EFNB2: variants seen among roughly 807,000 people sequenced by gnomAD.
EFNB2 encodes ephrin-B2.
A neutral mutation model predicts 32.1 loss-of-function variants in EFNB2; 5 were observed. The ratio of observed to expected loss-of-function variants is 0.16; its 90% CI spans 0.08 to 0.33. The LOEUF is 0.33. EFNB2 is among the 10% of genes least tolerant of loss of function. EFNB2 has a pLI of 1.00. For missense variants in EFNB2, 263 were observed against 422.6 expected, an observed-to-expected ratio of 0.62 and a Z score of 3.31; for synonymous variants, 168 against 166.5, an observed-to-expected ratio of 1.01 and a Z score of -0.07.
At chr13:106,508,713 A>G (rs78640505) in intron 2 of EFNB2, among the ~76,000 whole-genome samples, 3,199 of 152,318 alleles carry the variant, frequency 0.021, 114 homozygotes, top group African/African-American at 0.073. Flanking sequence ...AAGTTGAAAA[A>G]TTTAAGTGGA....
intron 1 of EFNB2, among the ~76,000 whole-genome samples, chr13:106,532,828 G>T (rs948474304): frequency 3.3e-5 from 5 of 151,542 alleles, no homozygotes; most frequent in African/African-American, 4.9e-5. Context: ...AGAATGGGGG[G>T]GGGGAGTGGT....
intron 2 of EFNB2, among the ~76,000 whole-genome samples, chr13:106,507,211 T>A (rs1417391390): frequency 6.6e-6 from 1 of 152,166 alleles, no homozygotes; most frequent in African/African-American, 2.4e-5. Flanking sequence ...ATGATGGAAA[T>A]GTGGCTTTTG....
intron 1 of EFNB2, among the ~76,000 whole-genome samples, chr13:106,523,665 C>T (rs996270055): frequency 2.0e-5 from 3 of 152,172 alleles, no homozygotes; most frequent in African/African-American, 2.4e-5. Context: ...CACCGCCTGG[C>T]TTCCTTCAAC....
At chr13:106,529,406 T>C (rs552575264) in intron 1 of EFNB2, among the ~76,000 whole-genome samples, 1 of 152,244 alleles carries the variant, frequency 6.6e-6, no homozygotes, top group Non-Finnish European at 1.5e-5. Context: ...TCTGAAGTTT[T>C]AATCAGCCCC....
intron 2 of EFNB2, among the ~76,000 whole-genome samples, chr13:106,504,440 G>A (rs759559742): frequency 6.6e-6 from 1 of 152,162 alleles, no homozygotes; most frequent in Non-Finnish European, 1.5e-5. Context: ...TCACAGCTTA[G>A]ATGGACATGT....
intron 2 of EFNB2, among the ~76,000 whole-genome samples, chr13:106,501,652 G>A (rs1878784331): frequency 6.6e-6 from 1 of 151,694 alleles, no homozygotes; most frequent in African/African-American, 2.4e-5. Flanking sequence ...GAGTGCAGTG[G>A]TGTGATCTTG....
Position 106,491,215 on chromosome 13 carries a change from T to C in EFNB2, c.*1825A>G, listed in dbSNP as rs1338272014. 2 of 152,590 alleles carry C rather than the reference T, an allele frequency of 1.3e-5. No homozygotes were observed. The highest frequency in any genetic ancestry group is 1.9e-4 in the East Asian group (1 of 5,174). 9.5% of individuals were successfully genotyped at this position (152,590 alleles called of 1,614,324 possible). ...CAGAAATAAACGCCGGAACATCTTGTCATTGTTAAATATATGATGCAGTCA... is the reference window on the plus strand; with the variant it reads ...CAGAAATAAACGCCGGAACATCTTGCCATTGTTAAATATATGATGCAGTCA... On this transcript the variant is annotated 3_prime_UTR_variant, in exon 5 of 5. Transcript: ENST00000646441.
Position 106,512,787 on chromosome 13 carries a change from G to C in EFNB2, c.148C>G (p.Leu50Val). Residue 50 changes from leucine (L) to valine (V), a missense_variant, in exon 2 of 5, where the codon CTA (leucine) becomes GTA (valine). Leu to Val is a conservative substitution (Grantham distance 32). This residue lies in a region of EFNB2 where 46 missense variants were observed against 56.9 expected (regional missense o/e 0.81). Transcript: ENST00000646441. ...AATTTGTCTCCTATCTGTGGGTATA[G>C]TACCAGTCCTTGTCCAGGTAGAAAT... ...SKFLPGQGLV[L>V]YPQIGDKLDI... is the part of the protein sequence containing the mutation. 6.2e-7 allele frequency: 1 copy of C among 1,601,606 alleles called. No individual in the cohort carries two copies. The highest frequency in any genetic ancestry group is 1.1e-5 in the South Asian group (1 of 88,858).
intron 2 of EFNB2, among the ~76,000 whole-genome samples, chr13:106,503,777 T>G (rs755931205): frequency 4.0e-4 from 61 of 150,692 alleles, no homozygotes; most frequent in Admixed American, 7.9e-4. Flanking sequence ...AAAAAAAAAG[T>G]CATTCTTGAT....
rs1878452618 is a variant in EFNB2, at chr13:106,492,782, G to A, written c.*258C>T. On this transcript the variant is annotated 3_prime_UTR_variant, in exon 5 of 5. Transcript: ENST00000646441. This position sits in a 1 kb window ranked among gnomAD's most constrained non-coding sequence, Gnocchi z 5.1. ...GCACATGGCTTCGAGGAGGAGACGT[G>A]GGACGCGGCACAGCAGTCCGAATGG... 2.5e-6 allele frequency: 1 copy of A among 406,878 alleles called. No homozygotes were observed. The highest frequency in any genetic ancestry group is 4.5e-6 in the Non-Finnish European group (1 of 223,726). 25.2% of individuals were successfully genotyped at this position (406,878 alleles called of 1,614,324 possible). A position where few individuals can be genotyped will look rare whatever the true frequency, so the allele number is the denominator to read the frequency against.
chr13:106,517,318 C>T (rs1879347782), intron 1 of EFNB2: 1 of 152,186 alleles, frequency 6.6e-6, no homozygotes, highest in Non-Finnish European at 1.5e-5. Context: ...ACCCATACCA[C>T]ATGGGGGGAG....
At chr13:106,511,706 A>G (rs1879145096) in intron 2 of EFNB2, among the ~76,000 whole-genome samples, 1 of 152,190 alleles carries the variant, frequency 6.6e-6, no homozygotes, top group Non-Finnish European at 1.5e-5. Flanking sequence ...AGAAATTAAG[A>G]AAAAAGACTT....
At chr13:106,500,270 T>A (rs541488111) in intron 2 of EFNB2, among the ~76,000 whole-genome samples, 20 of 152,294 alleles carry the variant, frequency 1.3e-4, no homozygotes, top group African/African-American at 4.6e-4. Flanking sequence ...ACCACATTGC[T>A]AACAGTGTGC....
At chr13:106,513,437 A>G (rs895497411) in intron 1 of EFNB2, among the ~76,000 whole-genome samples, 4 of 152,242 alleles carry the variant, frequency 2.6e-5, no homozygotes, top group Non-Finnish European at 5.9e-5. Flanking sequence ...TAGTTGTGGT[A>G]TTGATTCAGC....
intron 1 of EFNB2, among the ~76,000 whole-genome samples, chr13:106,513,404 C>T (rs528618152): frequency 1.1e-4 from 17 of 152,154 alleles, no homozygotes; most frequent in African/African-American, 2.9e-4. Context: ...CTTACAAATG[C>T]GTAAAAGATA....
At chr13:106,506,929 C>T (rs1275869004) in intron 2 of EFNB2, among the ~76,000 whole-genome samples, 1 of 152,164 alleles carries the variant, frequency 6.6e-6, no homozygotes, top group Non-Finnish European at 1.5e-5. Context: ...AGACCCCAGA[C>T]TCTCAACCTA....
chr13:106,531,788 A>T (rs780153271), intron 1 of EFNB2, among the ~76,000 whole-genome samples: 5 of 152,154 alleles, frequency 3.3e-5, no homozygotes, highest in African/African-American at 4.8e-5. Flanking sequence ...TGGGAAAAGC[A>T]AAATGCTATG....
At chr13:106,527,873 C>A (rs1358724826) in intron 1 of EFNB2, among the ~76,000 whole-genome samples, 12 of 152,220 alleles carry the variant, frequency 7.9e-5, no homozygotes. Context: ...ATCACTTTAA[C>A]CCTGTTTCTG....
chr13:106,512,534 A>C lies in EFNB2; in HGVS notation c.401T>G (p.Ile134Ser). The C allele has an allele frequency of 6.3e-7, 1 of 1,581,906 alleles. No homozygotes were observed. The highest frequency in any genetic ancestry group is 8.6e-7 in the Non-Finnish European group (1 of 1,158,504). ...LEFQKNKDYY[I>S]ISTSNGSLEG... ...ATGAATAAAATTATACTTACATATA[A>C]TGTAATAATCTTTGTTCTTCTGAAA... is the stretch of plus-strand genomic sequence containing the variant. Residue 134 changes from isoleucine (I) to serine (S), a missense_variant, in exon 2 of 5, where the codon ATT (isoleucine) becomes AGT (serine). Coordinates refer to ENST00000646441, the MANE Select transcript of EFNB2 (RefSeq NM_004093.4).
Sources: allele counts gnomAD v4.1 joint callset (sites outside exome capture counted in the v4.1 genomes callset), GRCh38; gene constraint gnomAD v4.1.1; regional missense constraint gnomAD v4.1.1; non-coding constraint Gnocchi (gnomAD v3.1); transcripts MANE v1.5; gene names NCBI Gene and HGNC (gene_info 2026-07-23, HGNC 2026-07-21).